NRXN3: variants seen among roughly 807,000 people sequenced by gnomAD.
NRXN3 encodes neurexin 3, also known as neurexin III.
A neutral mutation model predicts 137.6 loss-of-function variants in NRXN3; 32 were observed. The observed-to-expected ratio is 0.23, with a 90% CI of 0.18 to 0.31. NRXN3 has a LOEUF of 0.31. NRXN3 is among the 10% of genes least tolerant of loss of function. NRXN3 has a pLI of 1.00. For missense variants in NRXN3, 1,574 were observed against 2,062.5 expected, an observed-to-expected ratio of 0.76 and a Z score of 4.59; for synonymous variants, 798 against 784.5, an observed-to-expected ratio of 1.02 and a Z score of -0.29.
At chr14:79,556,429 C>A (rs2097430262) in intron 16 of NRXN3, among the ~76,000 whole-genome samples, 1 of 152,120 alleles carries the variant, frequency 6.6e-6, no homozygotes, top group South Asian at 2.1e-4. Context: ...AGAAACATGG[C>A]AAATGGATAT....
chr14:78,700,922 C>A (rs1217770414), intron 6 of NRXN3, among the ~76,000 whole-genome samples: 2 of 152,138 alleles, frequency 1.3e-5, no homozygotes, highest in Admixed American at 1.3e-4. Context: ...CAGGCATCCA[C>A]CACCATGCCT....
At chr14:79,308,734 A>G (rs1328836505) in intron 15 of NRXN3, among the ~76,000 whole-genome samples, 1 of 151,942 alleles carries the variant, frequency 6.6e-6, no homozygotes, top group Non-Finnish European at 1.5e-5. Context: ...CTTGTCTTGC[A>G]TGATAGAAAC....
chr14:78,974,686 T>C (rs2099457507), intron 14 of NRXN3, among the ~76,000 whole-genome samples: 2 of 152,176 alleles, frequency 1.3e-5, no homozygotes, highest in African/African-American at 2.4e-5. Flanking sequence ...GAGCTGCTTT[T>C]TTTTTCGATT....
intron 15 of NRXN3, among the ~76,000 whole-genome samples, chr14:79,023,601 CAGTTCTGCATTGCTGGGAA>C (rs1326370628): frequency 4.6e-5 from 7 of 152,084 alleles, no homozygotes; most frequent in African/African-American, 1.2e-4. Flanking sequence ...AATTGACTCA[CAGTTCTGCATTGCTGGGAA>C]AGCCTCAGGA....
At chr14:79,316,492 A>G (rs2088707127) in intron 15 of NRXN3, among the ~76,000 whole-genome samples, 1 of 152,198 alleles carries the variant, frequency 6.6e-6, no homozygotes, top group Admixed American at 6.5e-5. Context: ...TAGTTGTTGA[A>G]TTGTGGAAAG....
intron 1 of NRXN3, among the ~76,000 whole-genome samples, chr14:78,172,882 C>G (rs996928683): frequency 3.9e-5 from 6 of 151,968 alleles, no homozygotes; most frequent in African/African-American, 1.5e-4. Context: ...CTGGTAGTTC[C>G]CTATTATTAA....
At chr14:78,764,809 C>T (rs2098703541) in intron 8 of NRXN3, among the ~76,000 whole-genome samples, 1 of 152,102 alleles carries the variant, frequency 6.6e-6, no homozygotes, top group Non-Finnish European at 1.5e-5. Flanking sequence ...GAGAGGAGTG[C>T]ACCATTAGAC....
intron 3 of NRXN3, among the ~76,000 whole-genome samples, chr14:78,287,584 A>T (rs1192765154): frequency 6.6e-6 from 1 of 152,224 alleles, no homozygotes; most frequent in African/African-American, 2.4e-5. Flanking sequence ...GGACCCTTTC[A>T]GAGATGAGCA....
chr14:78,660,829 AG>A (rs1037232253), intron 6 of NRXN3, among the ~76,000 whole-genome samples: 8 of 152,242 alleles, frequency 5.3e-5, no homozygotes, highest in Admixed American at 5.2e-4. Context: ...GTGATGTAGC[AG>A]AATTCCTCAT....
At chr14:78,326,177 G>T (rs2080056508) in intron 4 of NRXN3, among the ~76,000 whole-genome samples, 1 of 152,172 alleles carries the variant, frequency 6.6e-6, no homozygotes, top group Non-Finnish European at 1.5e-5. Context: ...TTTTTTATGG[G>T]GAGTAGAGTG....
chr14:79,078,721 CAT>C (rs2046385507), intron 15 of NRXN3, among the ~76,000 whole-genome samples: 1 of 152,088 alleles, frequency 6.6e-6, no homozygotes, highest in Non-Finnish European at 1.5e-5. Context: ...TACACCAACA[CAT>C]ATATTTTGAA....
At chr14:79,476,404 T>C (rs937557702) in intron 16 of NRXN3, among the ~76,000 whole-genome samples, 1 of 152,128 alleles carries the variant, frequency 6.6e-6, no homozygotes, top group Admixed American at 6.5e-5. Flanking sequence ...CACTTAAAGA[T>C]ATTTAGATAG....
In NRXN3 at chr14:78,951,009, T is replaced by C. The variant is rs151162962; in HGVS notation, c.2276-6233T>C. 1.2e-3 allele frequency among the ~76,000 whole-genome samples: 183 copies of C among 152,310 alleles called. 1 individual carries two copies. The highest frequency in any genetic ancestry group is 4.3e-3 in the African/African-American group (178 of 41,578). The stretch of plus-strand genomic sequence containing the variant: ...AGGAATCAACACTGATTTCTCTCTT[T>C]ACTTCTCCTACTACCAATTCACCTC... On this transcript the variant is annotated intron_variant, in intron 10 of 20. Coordinates refer to ENST00000335750, the MANE Select transcript of NRXN3 (RefSeq NM_001330195.2).
In NRXN3 at chr14:78,612,533, CAT is replaced by C. The variant is rs548401639; in HGVS notation, c.758-32586_758-32585del. ...CTGGGATCTCTGAGCCCCTTGAAAA[CAT>C]GTGCAAAATTTTGTATGGATAAGGC... On this transcript the variant is annotated intron_variant, in intron 4 of 20. Transcript: ENST00000335750. 1.4e-4 allele frequency among the ~76,000 whole-genome samples: 21 copies of C among 152,294 alleles called. No homozygotes were observed. In the East Asian group the frequency reaches 3.3e-3, roughly 24 times the overall value.
chr14:78,764,426 C>T (rs1186292138), intron 8 of NRXN3, among the ~76,000 whole-genome samples: 1 of 152,120 alleles, frequency 6.6e-6, no homozygotes, highest in Non-Finnish European at 1.5e-5. Flanking sequence ...TCCTTGCTTT[C>T]CAGCTGAAAT....
chr14:79,338,181 A>G (rs2153353155), intron 15 of NRXN3, among the ~76,000 whole-genome samples: 1 of 150,320 alleles, frequency 6.7e-6, no homozygotes, highest in Non-Finnish European at 1.5e-5. Context: ...TTCTCCCATG[A>G]GCCCAGGCAG....
chr14:79,486,633 G>C lies in NRXN3; in HGVS notation c.3444+19231G>C, dbSNP rs775984873. 3.0e-4 allele frequency among the ~76,000 whole-genome samples: 45 copies of C among 152,208 alleles called. 1 individual carries two copies. The highest frequency in any genetic ancestry group is 3.1e-4 in the Non-Finnish European group (21 of 68,028). On this transcript the variant is annotated intron_variant, in intron 16 of 20. Coordinates refer to ENST00000335750, the MANE Select transcript of NRXN3 (RefSeq NM_001330195.2). Reference sequence around the variant, plus strand: ...CACTCATTTTAGATATGAAGATATGGAGGTGCAGTGACTTACCTACCTATG... The same window carrying C: ...CACTCATTTTAGATATGAAGATATGCAGGTGCAGTGACTTACCTACCTATG...
intron 15 of NRXN3, among the ~76,000 whole-genome samples, chr14:79,024,963 G>A (rs569686556): frequency 6.6e-6 from 1 of 152,242 alleles, no homozygotes; most frequent in East Asian, 1.9e-4. Context: ...GAGACTCATA[G>A]AGGCATAAAG....
chr14:79,687,355 C>T (rs2098699526), intron 17 of NRXN3, among the ~76,000 whole-genome samples: 1 of 152,156 alleles, frequency 6.6e-6, no homozygotes, highest in South Asian at 2.1e-4. Context: ...TTCTGGAGTT[C>T]CCTTCCTTTA....
Sources: allele counts gnomAD v4.1 joint callset (sites outside exome capture counted in the v4.1 genomes callset), GRCh38; gene constraint gnomAD v4.1.1; transcripts MANE v1.5; gene names NCBI Gene and HGNC (gene_info 2026-07-23, HGNC 2026-07-21).